UMAD1: variants seen among roughly 807,000 people sequenced by gnomAD.
The protein encoded by UMAD1 is UBAP1-MVB12-associated (UMA) domain containing 1, also known as UBAP1-MVB12-associated (UMA)-domain containing protein 1.
Under a neutral mutation model 6.1 loss-of-function variants are expected in UMAD1, and 8 were observed. The ratio of observed to expected loss-of-function variants is 1.30; its 90% CI spans 0.76 to 2.35. The LOEUF (loss-of-function observed/expected upper bound fraction) is 2.35, where lower values mean the gene tolerates loss of function less well. Among genes scored for constraint, UMAD1 ranks in the 30% most tolerant of loss-of-function variants. The pLI is 0.00. For synonymous variants in UMAD1, 56 were observed against 31.4 expected (o/e 1.78, Z -2.61); for missense variants, 130 against 78.4 (o/e 1.66, Z -2.49).
At chr7:7,722,181 GTATATCTA>G (rs1169543792) in intron 2 of UMAD1, among the ~76,000 whole-genome samples, 5 of 146,416 alleles carry the variant, frequency 3.4e-5, no homozygotes, top group African/African-American at 7.8e-5. Context: ...GTATATATAT[GTATATCTA>G]TATATCTATA....
intron 2 of UMAD1, among the ~76,000 whole-genome samples, chr7:7,759,878 C>T (rs556667866): frequency 1.3e-5 from 2 of 152,162 alleles, no homozygotes; most frequent in Admixed American, 1.3e-4. Flanking sequence ...CCATATTATC[C>T]CCCTTCTTCC....
intron 2 of UMAD1, among the ~76,000 whole-genome samples, chr7:7,788,493 C>T (rs577941200): frequency 6.6e-6 from 1 of 152,064 alleles, no homozygotes; most frequent in South Asian, 2.1e-4. Flanking sequence ...TGCTTTTATA[C>T]CTTTCTATAT....
chr7:7,742,216 A>G, intron 2 of UMAD1: 1 of 682,638 alleles, frequency 1.5e-6, no homozygotes, highest in Non-Finnish European at 2.8e-6. Flanking sequence ...GCTTCTTCAC[A>G]GCCTGTTTGA....
rs59036228 is a variant in UMAD1, at chr7:7,864,602, T to TACACACAC, written c.157-12637_157-12630dup. On this transcript the variant is annotated intron_variant, in intron 3 of 3. Transcript: ENST00000682710. ...CTAGACATGAGGAGAACATGAAAAC[T>TACACACAC]ACACACACACACACACACACACACA... Among the ~76,000 whole-genome samples, 204 of 140,240 alleles carry TACACACAC rather than the reference T, an allele frequency of 1.5e-3. 1 individual carries two copies. Among genetic ancestry groups the TACACACAC allele is most frequent in the East Asian group, 5.6e-3 (26 of 4,616 alleles). 92.0% of individuals were successfully genotyped at this position (140,240 alleles called of 152,430 possible). A position where few individuals can be genotyped will look rare whatever the true frequency, so the allele number is the denominator to read the frequency against.
At chr7:7,845,347 C>T (rs1324337211) in intron 3 of UMAD1, among the ~76,000 whole-genome samples, 1 of 151,956 alleles carries the variant, frequency 6.6e-6, no homozygotes, top group Non-Finnish European at 1.5e-5. Flanking sequence ...TAACAAGCTG[C>T]TCTATAGGGA....
At position 7,856,259 on chromosome 7, in the gene UMAD1, C is replaced by T. The variant is rs146923288; in HGVS notation, c.157-21022C>T. On this transcript the variant is annotated intron_variant, in intron 3 of 3. Transcript: ENST00000682710. ...TCTCACATTGTTATAAGGAAATACC[C>T]GAGACTGCGTAATTAATAAAGAAAA... Among the ~76,000 whole-genome samples the T allele has an allele frequency of 3.9e-5, 6 of 152,232 alleles. No homozygotes were observed. The East Asian group carries it at 7.7e-4, about 20-fold the overall frequency.
At chr7:7,849,226 C>G (rs1783867874) in intron 3 of UMAD1, among the ~76,000 whole-genome samples, 1 of 152,156 alleles carries the variant, frequency 6.6e-6, no homozygotes, top group East Asian at 1.9e-4. Context: ...ATTTTGACTG[C>G]CCATCCCATT....
chr7:7,682,009 T>G lies in UMAD1; in HGVS notation c.82+8556T>G, dbSNP rs572983265. ...AAAGGAACAATTTAGATATTGTTGTTGGTTCACTAATATTGTTGACCAAAT... is the reference window on the plus strand; with the variant it reads ...AAAGGAACAATTTAGATATTGTTGTGGGTTCACTAATATTGTTGACCAAAT... On this transcript the variant is annotated intron_variant, in intron 2 of 3. Coordinates refer to ENST00000682710, the MANE Select transcript of UMAD1 (RefSeq NM_001302348.2). Among the ~76,000 whole-genome samples, 270 of 152,298 alleles carry G rather than the reference T, an allele frequency of 1.8e-3. 1 individual carries two copies. The highest frequency in any genetic ancestry group is 9.3e-4 in the Non-Finnish European group (63 of 68,014).
intron 1 of UMAD1, chr7:7,641,560 G>A (rs1208822410): frequency 6.6e-6 from 1 of 152,232 alleles, no homozygotes; most frequent in Non-Finnish European, 1.5e-5. Flanking sequence ...AGACTCTGGA[G>A]GGCGATCTGG....
chr7:7,710,296 T>C (rs1035883376), intron 2 of UMAD1, among the ~76,000 whole-genome samples: 6 of 152,174 alleles, frequency 3.9e-5, no homozygotes. Context: ...TCACACTTTA[T>C]GCAAAAATTG....
At chr7:7,711,765 C>CT (rs1780770039) in intron 2 of UMAD1, among the ~76,000 whole-genome samples, 1 of 151,808 alleles carries the variant, frequency 6.6e-6, no homozygotes, top group South Asian at 2.1e-4. Flanking sequence ...TTATGTTTTT[C>CT]TTTTTATCTG....
chr7:7,733,656 A>G (rs1053624331), intron 2 of UMAD1, among the ~76,000 whole-genome samples: 4 of 149,762 alleles, frequency 2.7e-5, no homozygotes, highest in Non-Finnish European at 5.9e-5. Flanking sequence ...AGTCATGTCA[A>G]TTGAAGTTAG....
chr7:7,841,254 T>A (rs1007488154), intron 3 of UMAD1, among the ~76,000 whole-genome samples: 17 of 152,090 alleles, frequency 1.1e-4, no homozygotes, highest in Admixed American at 4.6e-4. Flanking sequence ...CTCCCGAAGA[T>A]GTGGTTCCAC....
At chr7:7,645,399 G>A (rs1409296770) in intron 1 of UMAD1, among the ~76,000 whole-genome samples, 1 of 152,122 alleles carries the variant, frequency 6.6e-6, no homozygotes, top group African/African-American at 2.4e-5. Flanking sequence ...AAGACTCAGG[G>A]CCCCAGGTTC....
chr7:7,647,044 T>G (rs1296138009), intron 1 of UMAD1, among the ~76,000 whole-genome samples: 1 of 152,052 alleles, frequency 6.6e-6, no homozygotes, highest in Non-Finnish European at 1.5e-5. Context: ...TAGTGTGGAG[T>G]GTTTCTTTTA....
chr7:7,701,201 C>G (rs1780454726), intron 2 of UMAD1, among the ~76,000 whole-genome samples: 1 of 152,064 alleles, frequency 6.6e-6, no homozygotes, highest in African/African-American at 2.4e-5. Context: ...TCTATCATAC[C>G]TATTTAAGGA....
chr7:7,789,627 C>CGT lies in UMAD1; in HGVS notation c.83-12043_83-12042insGT, dbSNP rs1484545344. 3.3e-5 allele frequency among the ~76,000 whole-genome samples: 5 copies of CGT among 149,528 alleles called. 1 individual carries two copies. Among genetic ancestry groups the CGT allele is most frequent in the African/African-American group, 1.3e-4 (5 of 39,078 alleles). On this transcript the variant is annotated intron_variant, in intron 2 of 3. Coordinates refer to ENST00000682710, the MANE Select transcript of UMAD1 (RefSeq NM_001302348.2). ...AAACAAAATACCCCTTCTCCCCTCC[C>CGT]CACAGACCCTGGAAACCACCATTCT...
intron 2 of UMAD1, among the ~76,000 whole-genome samples, chr7:7,732,549 G>A (rs945084027): frequency 6.6e-6 from 1 of 152,156 alleles, no homozygotes; most frequent in Non-Finnish European, 1.5e-5. Context: ...TAACATTGCA[G>A]TTTAAATTTA....
intron 3 of UMAD1, among the ~76,000 whole-genome samples, chr7:7,847,107 ATATATATAT>A (rs1563256039): frequency 2.1e-4 from 1 of 4,878 alleles, no homozygotes; most frequent in African/African-American, 1.6e-3. Flanking sequence ...AAAAAAAAAT[ATATATATAT>A]ATATATATAT....
Sources: gnomAD v4.1 joint callset for allele counts (sites outside exome capture counted in the v4.1 genomes callset) on GRCh38, gnomAD v4.1.1 for gene constraint, MANE v1.5 for transcripts, NCBI Gene and HGNC (gene_info 2026-07-23, HGNC 2026-07-21) for gene names.